CCDC171: variants seen among roughly 807,000 people sequenced by gnomAD.
CCDC171 encodes coiled-coil domain containing 171, also known as coiled-coil domain-containing protein 171.
Under a neutral mutation model 168.2 loss-of-function variants are expected in CCDC171, and 177 were observed. That is an observed-to-expected ratio of 1.05 (90% confidence interval 0.93 to 1.19). The LOEUF (loss-of-function observed/expected upper bound fraction) is 1.19. Among genes scored for constraint, CCDC171 ranks in the 50% most tolerant of loss-of-function variants. CCDC171 has a pLI of 0.00. For synonymous variants in CCDC171, 687 were observed against 540.8 expected (o/e 1.27, Z -3.75); for missense variants, 1,991 against 1,539.0 (o/e 1.29, Z -4.91).
intron 21 of CCDC171, among the ~76,000 whole-genome samples, chr9:15,809,829 C>T (rs1002587537): frequency 2.6e-5 from 4 of 152,172 alleles, no homozygotes; most frequent in African/African-American, 9.7e-5. Flanking sequence ...GCCACTGCTG[C>T]CTGGGGCAGC....
intron 21 of CCDC171, among the ~76,000 whole-genome samples, chr9:15,843,818 T>C (rs888209025): frequency 6.6e-6 from 1 of 152,142 alleles, no homozygotes; most frequent in African/African-American, 2.4e-5. Flanking sequence ...TCACTATGGC[T>C]GTCCCATAGG....
At chr9:15,905,781 C>G (rs1032487174) in intron 24 of CCDC171, among the ~76,000 whole-genome samples, 1 of 151,884 alleles carries the variant, frequency 6.6e-6, no homozygotes, top group Non-Finnish European at 1.5e-5. Flanking sequence ...GCTAGCAAGA[C>G]TAATAAAGAA....
chr9:15,747,381 G>T (rs1383486203), intron 18 of CCDC171, among the ~76,000 whole-genome samples: 1 of 152,190 alleles, frequency 6.6e-6, no homozygotes, highest in Non-Finnish European at 1.5e-5. Flanking sequence ...GGTTCTCCCA[G>T]CATGGTGTTC....
chr9:15,715,823 A>G (rs955078319), intron 11 of CCDC171, among the ~76,000 whole-genome samples: 2 of 152,246 alleles, frequency 1.3e-5, no homozygotes, highest in Non-Finnish European at 2.9e-5. Flanking sequence ...TTGAAAAACA[A>G]TGATTTATAT....
the CCDC171 span, among the ~76,000 whole-genome samples, chr9:16,082,171 C>T: frequency 1.3e-5 from 2 of 152,152 alleles, no homozygotes; most frequent in African/African-American, 4.8e-5. Context: ...CATTTCTAGA[C>T]AACTGCCCTT....
chr9:15,695,018 G>A (rs1380671304), intron 10 of CCDC171, among the ~76,000 whole-genome samples: 1 of 152,174 alleles, frequency 6.6e-6, no homozygotes, highest in East Asian at 1.9e-4. Flanking sequence ...TTAGAATAGT[G>A]CCAGGCACTA....
rs937554517 is a variant in CCDC171 at position 15,761,225 on chromosome 9, C to G, written c.2671+15594C>G. Among the ~76,000 whole-genome samples, 4 of 152,148 alleles carry G rather than the reference C, an allele frequency of 2.6e-5. No homozygotes were observed. In the East Asian group the frequency reaches 7.7e-4, roughly 29 times the overall value. On this transcript the variant is annotated intron_variant, in intron 18 of 25. Coordinates refer to ENST00000380701, the MANE Select transcript of CCDC171 (RefSeq NM_173550.4). ...CCCAAATATACCCCTGCTAGTACAACTCAGAACTTTTTTTTATTGCGTACT... is the reference window on the plus strand; with the variant it reads ...CCCAAATATACCCCTGCTAGTACAAGTCAGAACTTTTTTTTATTGCGTACT...
At chr9:15,670,005 C>T (rs573444726) in intron 9 of CCDC171, among the ~76,000 whole-genome samples, 1 of 149,452 alleles carries the variant, frequency 6.7e-6, no homozygotes, top group South Asian at 2.1e-4. Context: ...AGAAGGGATC[C>T]TAGCTACAAA....
intron 4 of CCDC171, among the ~76,000 whole-genome samples, chr9:16,022,054 AT>A (rs150832504): frequency 6.6e-6 from 1 of 152,306 alleles, no homozygotes; most frequent in African/African-American, 2.4e-5. Context: ...GAGAGAGATG[AT>A]TTGGACAGTT....
At position 16,059,457 on chromosome 9, in the gene CCDC171, C is replaced by G. The variant is rs539677476; in HGVS notation, n.90-1189C>G. Reference sequence around the variant, plus strand: ...CACCTCAAGGGGGCTTTCCAGGGGACACTGGGCTTTTTGCTTGATTTTTGA... The same window carrying G: ...CACCTCAAGGGGGCTTTCCAGGGGAGACTGGGCTTTTTGCTTGATTTTTGA... On this transcript the variant is annotated intron_variant and non_coding_transcript_variant, in intron 1 of 1. Coordinates refer to the CCDC171 transcript ENST00000478913. Among the ~76,000 whole-genome samples, 122 of 150,226 alleles carry G rather than the reference C, an allele frequency of 8.1e-4. 1 individual carries two copies. Among genetic ancestry groups the G allele is most frequent in the African/African-American group, 2.8e-3 (114 of 41,082 alleles).
chr9:16,054,792 G>A (rs1311054828), intron 1 of CCDC171, among the ~76,000 whole-genome samples: 1 of 152,178 alleles, frequency 6.6e-6, no homozygotes, highest in African/African-American at 2.4e-5. Flanking sequence ...CATGTTGGAT[G>A]GGATATTTCT....
intron 7 of CCDC171, among the ~76,000 whole-genome samples, chr9:15,625,848 T>A (rs180769321): frequency 3.1e-4 from 47 of 152,344 alleles, no homozygotes; most frequent in Admixed American, 8.5e-4. Context: ...TTTCCAATTC[T>A]GTGAAGAAAG....
intron 24 of CCDC171, among the ~76,000 whole-genome samples, chr9:15,892,369 G>A (rs926275918): frequency 3.3e-5 from 5 of 152,044 alleles, no homozygotes; most frequent in African/African-American, 1.2e-4. Context: ...ATTTTGAGGT[G>A]TGTTCCTTCA....
intron 25 of CCDC171, among the ~76,000 whole-genome samples, chr9:15,930,262 TTCCA>T (rs1032603840): frequency 3.8e-4 from 57 of 151,852 alleles, no homozygotes; most frequent in African/African-American, 1.4e-3. Flanking sequence ...TTTCTTTAAT[TTCCA>T]TCAAACTGTT....
Position 15,623,433 on chromosome 9 carries a change from T to C in CCDC171, c.822+20T>C. On this transcript the variant is annotated intron_variant, in intron 7 of 25. Transcript: ENST00000380701. ...TTTGAGGTACATTTTCTCATTCCTT[T>C]ATAATATATATGCGTACAAACTTTC... is the stretch of plus-strand genomic sequence containing the variant. 1 of 1,536,596 alleles carries C rather than the reference T, an allele frequency of 6.5e-7. No individual in the cohort carries two copies. Among genetic ancestry groups the C allele is most frequent in the Non-Finnish European group, 8.8e-7 (1 of 1,134,118 alleles).
chr9:15,575,779 T>C (rs2040602263), intron 3 of CCDC171, among the ~76,000 whole-genome samples: 1 of 152,198 alleles, frequency 6.6e-6, no homozygotes, highest in Admixed American at 6.5e-5. Flanking sequence ...AAATCACAGA[T>C]ACATATCACA....
intron 25 of CCDC171, among the ~76,000 whole-genome samples, chr9:15,963,251 C>T (rs989206224): frequency 6.6e-6 from 1 of 151,938 alleles, no homozygotes; most frequent in Non-Finnish European, 1.5e-5. Flanking sequence ...TTACTGGGTG[C>T]AGCACACCAT....
At chr9:15,934,531 A>G (rs897278992) in intron 25 of CCDC171, among the ~76,000 whole-genome samples, 1 of 152,062 alleles carries the variant, frequency 6.6e-6, no homozygotes, top group Non-Finnish European at 1.5e-5. Flanking sequence ...AAGGATATGG[A>G]GAAACTGGAA....
chr9:15,597,120 A>G (rs566655323), intron 6 of CCDC171, among the ~76,000 whole-genome samples: 2 of 151,960 alleles, frequency 1.3e-5, no homozygotes, highest in Non-Finnish European at 2.9e-5. Flanking sequence ...CTCTTTTCCT[A>G]ATTGAATACC....
Sources: gnomAD v4.1 joint callset for allele counts (sites outside exome capture counted in the v4.1 genomes callset) on GRCh38, gnomAD v4.1.1 for gene constraint, MANE v1.5 for transcripts, NCBI Gene and HGNC (gene_info 2026-07-23, HGNC 2026-07-21) for gene names.